The following KLK5 variants were observed in gnomAD, a reference collection of about 807,000 sequenced individuals.
KLK5 encodes the protein kallikrein-5.
In KLK5, 18 loss-of-function variants were observed where a neutral mutation model predicts 24.0. That is an observed-to-expected ratio of 0.75 (90% CI 0.52 to 1.11). The LOEUF is 1.11. KLK5 is among the 50% of genes most tolerant of loss of function. The pLI is 0.00. For missense variants in KLK5, 374 were observed against 379.2 expected (o/e 0.99, Z 0.11); for synonymous variants, 140 against 154.0 (o/e 0.91, Z 0.67).
At position 50,950,066 on chromosome 19, in the gene KLK5, C is replaced by T. The variant is rs1172195239; in HGVS notation, c.124G>A (p.Val42Met). 2.5e-6 allele frequency: 4 copies of T among 1,612,886 alleles called. No homozygotes were observed. Among genetic ancestry groups the T allele is most frequent in the South Asian group, 1.1e-5 (1 of 91,028 alleles). Residue 42 changes from valine (V) to methionine (M), a missense_variant, in exon 3 of 6, where the codon GTG (valine) becomes ATG (methionine). Physicochemically the swap from Val to Met is conservative, Grantham distance 21 (BLOSUM62 1). Coordinates refer to ENST00000336334, the MANE Select transcript of KLK5 (RefSeq NM_012427.5). ...DVSCDHPSNT[V>M]PSGSNQDLGA... ...AGGTCCTGGTTGCTCCCAGAGGGCA[C>T]GGTGTTAGAGGGGTGGTCACAGGAA...
rs538093573 is a variant in KLK5, at chr19:50,949,015, A to T, written c.436T>A (p.Ser146Thr). Residue 146 changes from serine to threonine, a missense_variant, in exon 4 of 6, where the codon TCC (serine) becomes ACC (threonine). By Grantham distance (58) the Ser-to-Thr change is moderately conservative. Coordinates refer to ENST00000336334, the MANE Select transcript of KLK5 (RefSeq NM_012427.5). ...GVKSIPHPGY[S>T]HPGHSNDLML... is the part of the protein sequence containing the mutation. Reference sequence around the variant, plus strand: ...AGGTCGTTAGAGTGGCCAGGGTGGGAGTAGCCAGGGTGGGGGATGGATTTG... The same window carrying T: ...AGGTCGTTAGAGTGGCCAGGGTGGGTGTAGCCAGGGTGGGGGATGGATTTG... The T allele has an allele frequency of 6.2e-7, 1 of 1,613,866 alleles. No homozygotes were observed. The highest frequency in any genetic ancestry group is 1.1e-5 in the South Asian group (1 of 91,052).
rs369840995 is a variant in KLK5, at chr19:50,945,440, A to G, written c.727-1654T>C. The stretch of plus-strand genomic sequence containing the variant: ...CTGGTGCAAAATAGCCACTCGGCTA[A>G]TATTTATGAAGAAAATGAAAAGTAG... On this transcript the variant is annotated intron_variant, in intron 5 of 5. Coordinates refer to ENST00000336334, the MANE Select transcript of KLK5 (RefSeq NM_012427.5). Among the ~76,000 whole-genome samples the G allele has an allele frequency of 7.2e-5, 11 of 152,020 alleles. No homozygotes were observed. The South Asian group carries it at 2.1e-3, about 29-fold the overall frequency.
At chr19:50,944,250 G>A (rs535955231) in intron 5 of KLK5, among the ~76,000 whole-genome samples, 15 of 151,938 alleles carry the variant, frequency 9.9e-5, no homozygotes, top group African/African-American at 1.9e-4. Flanking sequence ...CAAGTGATTC[G>A]CCCACCTCAG....
chr19:50,943,914 T>G, intron 5 of KLK5, 128 bp from the exon 6 acceptor site: 1 of 627,532 alleles, frequency 1.6e-6, no homozygotes, highest in Non-Finnish European at 2.7e-6. Context: ...AGATGGAAAG[T>G]ACAGAGATGA....
Position 50,952,584 on chromosome 19 carries a change from C to T in KLK5, c.73+1G>A. 1.3e-6 allele frequency: 2 copies of T among 1,589,692 alleles called. No homozygotes were observed. The highest frequency in any genetic ancestry group is 1.1e-5 in the South Asian group (1 of 89,622). On this transcript the variant is annotated splice_donor_variant, in intron 2 of 5. Coordinates refer to ENST00000336334, the MANE Select transcript of KLK5 (RefSeq NM_012427.5). LOFTEE classifies it high-confidence loss of function. ...CCCTCCCACCCCAGAGTTCTGGTTA[C>T]CTGTGACCCCCAGAAGCAAGGCTGT...
At chr19:50,950,190 GC>G (rs2090675265) in intron 2 of KLK5, 74 bp from the exon 3 acceptor site, 1 of 1,466,386 alleles carries the variant, frequency 6.8e-7, no homozygotes, top group Non-Finnish European at 9.3e-7. Context: ...GACTCAAGAG[GC>G]CAGACCAGCT....
In KLK5 at chr19:50,943,766, CA is replaced by C. The variant is rs2090608738; in HGVS notation, c.746del (p.Val249GlyfsTer64). ...GTCCCTGCAGGGAGCCATTGCAGACCACAGGCCCCCCAGAATCACCCTGCAG... is the reference window on the plus strand; with the variant it reads ...GTCCCTGCAGGGAGCCATTGCAGACCCAGGCCCCCCAGAATCACCCTGCAG... ...DSCQGDSGGP[V>X]VCNGSLQGLV... On this transcript the variant is annotated frameshift_variant, in exon 6 of 6. Transcript: ENST00000336334. LOFTEE classifies it low-confidence loss of function (END_TRUNC). The C allele has an allele frequency of 6.2e-7, 1 of 1,613,024 alleles. No individual in the cohort carries two copies. Among genetic ancestry groups the C allele is most frequent in the African/African-American group, 1.3e-5 (1 of 74,862 alleles).
intron 2 of KLK5, among the ~76,000 whole-genome samples, chr19:50,951,003 T>C (rs571104967): frequency 4.0e-5 from 6 of 148,316 alleles, no homozygotes; most frequent in Non-Finnish European, 8.9e-5. Flanking sequence ...TCCACTAGAG[T>C]CTGGCCTAGG....
intron 3 of KLK5, 55 bp downstream of exon 3, chr19:50,949,800 C>CCACCCCTCCCCCCCATGACAA: frequency 4.2e-6 from 1 of 235,564 alleles, no homozygotes; most frequent in Non-Finnish European, 7.3e-6. Flanking sequence ...CACTTCCCCA[C>CCACCCCTCCCCCCCATGACAA]CCCCACCCCC....
At chr19:50,948,539 G>A in intron 5 of KLK5, 101 bp downstream of exon 5, 2 of 1,196,914 alleles carry the variant, frequency 1.7e-6, no homozygotes, top group East Asian at 2.4e-5. Flanking sequence ...CAGGGGTCCT[G>A]ACTGTCTTGG....
chr19:50,950,761 G>A (rs900438810), intron 2 of KLK5, among the ~76,000 whole-genome samples: 9 of 151,980 alleles, frequency 5.9e-5, no homozygotes, highest in Non-Finnish European at 7.4e-5. Context: ...GCGTGGTGGC[G>A]CGCACCTGTA....
At chr19:50,943,834 T>C (rs759975234) in intron 5 of KLK5, 48 bp from the exon 6 acceptor site, 2 of 1,530,742 alleles carry the variant, frequency 1.3e-6, no homozygotes, top group Non-Finnish European at 1.8e-6. Flanking sequence ...TGTGGCAAAG[T>C]GGGCAGAAGG....
At chr19:50,948,592 G>A (rs184615650) in intron 5 of KLK5, 48 bp downstream of exon 5, 36 of 1,600,454 alleles carry the variant, frequency 2.2e-5, no homozygotes, top group South Asian at 1.3e-4. Context: ...CCATGTTACC[G>A]AGTTGGCACT....
chr19:50,949,187 C>G, intron 3 of KLK5, 72 bp from the exon 4 acceptor site: 1 of 1,497,796 alleles, frequency 6.7e-7, no homozygotes, highest in Non-Finnish European at 9.0e-7. Flanking sequence ...CCCAACCCCA[C>G]ACCCAGCCCC....
At chr19:50,945,625 T>C (rs2090624897) in intron 5 of KLK5, among the ~76,000 whole-genome samples, 3 of 131,082 alleles carry the variant, frequency 2.3e-5, no homozygotes, top group South Asian at 6.1e-4. Flanking sequence ...GAACCCCATC[T>C]CTACGGAAAA....
intron 5 of KLK5, among the ~76,000 whole-genome samples, chr19:50,944,198 G>A (rs1179927013): frequency 6.6e-6 from 1 of 151,866 alleles, no homozygotes; most frequent in African/African-American, 2.4e-5. Flanking sequence ...GTAGAGACGG[G>A]GTTTCACCAT....
intron 2 of KLK5, 22 bp downstream of exon 2, chr19:50,952,562 TC>T: frequency 8.2e-7 from 1 of 1,218,278 alleles, no homozygotes; most frequent in Non-Finnish European, 1.2e-6. Context: ...CCCACAACCC[TC>T]CCACCCCAGA....
Position 50,946,377 on chromosome 19 carries a change from A to G in KLK5, c.726+2263T>C, listed in dbSNP as rs543455506. Among the ~76,000 whole-genome samples the G allele has an allele frequency of 1.8e-4, 27 of 152,298 alleles. No homozygotes were observed. The South Asian group carries it at 3.1e-3, about 18-fold the overall frequency. On this transcript the variant is annotated intron_variant, in intron 5 of 5. Coordinates refer to ENST00000336334, the MANE Select transcript of KLK5 (RefSeq NM_012427.5). Reference sequence around the variant, plus strand: ...TTATTTTTATACTATTGGTATTAGTATTGTTGTAGTTGTTATTATTTCTTG... The same window carrying G: ...TTATTTTTATACTATTGGTATTAGTGTTGTTGTAGTTGTTATTATTTCTTG...
At chr19:50,945,356 G>A (rs553058689) in intron 5 of KLK5, among the ~76,000 whole-genome samples, 7 of 151,228 alleles carry the variant, frequency 4.6e-5, no homozygotes, top group South Asian at 2.1e-4. Context: ...AGGTCCACGC[G>A]GCAGGAAGTT....
Sources: allele counts gnomAD v4.1 joint callset (sites outside exome capture counted in the v4.1 genomes callset), GRCh38; gene constraint gnomAD v4.1.1; transcripts MANE v1.5; gene names NCBI Gene and HGNC (gene_info 2026-07-23, HGNC 2026-07-21).